Variants in PDCD2 observed in about 807,000 individuals in gnomAD.
PDCD2 encodes the protein uS5 assembly chaperone PDCD2.
In PDCD2, 38 loss-of-function variants were observed where a neutral mutation model predicts 38.1. That is an observed-to-expected ratio of 1.00 (90% CI 0.77 to 1.31). The LOEUF (loss-of-function observed/expected upper bound fraction) is 1.31. Among genes scored for constraint, PDCD2 ranks in the 50% most tolerant of loss-of-function variants. PDCD2 has a pLI of 0.00. For missense variants in PDCD2, 473 were observed against 435.7 expected (o/e 1.09, Z -0.76); for synonymous variants, 205 against 168.9 (o/e 1.21, Z -1.66).
chr6:170,584,439 G>A lies in PDCD2; in HGVS notation c.143C>T (p.Ala48Val), dbSNP rs1403087872. The change falls in exon 1 of 6, where the codon GCC (alanine) becomes GTC (valine). Residue 48 changes from alanine (A) to valine (V), a missense_variant. Ala to Val is a moderately conservative substitution (Grantham distance 64, BLOSUM62 0). Transcript: ENST00000541970. ...GCGGCCGCACAGCTCGCAGGCCAGG[G>A]CCTGGGGCCCCGGCAGCCCGGCCGC... is the stretch of plus-strand genomic sequence containing the variant. Reference protein sequence around the residue: ...LGAAGLPGPQALACELCGRPL... With the variant: ...LGAAGLPGPQVLACELCGRPL... The A allele has an allele frequency of 3.0e-6, 4 of 1,344,468 alleles. No homozygotes were observed. The highest frequency in any genetic ancestry group is 3.8e-6 in the Non-Finnish European group (4 of 1,053,364). The allele number at this position is 1,344,468 out of a possible 1,614,324, so 83.3% of individuals were successfully genotyped here. A position where few individuals can be genotyped will look rare whatever the true frequency, so the allele number is the denominator to read the frequency against.
At chr6:170,577,811 C>G in intron 5 of PDCD2, 94 bp from the exon 6 acceptor site, 1 of 1,131,398 alleles carries the variant, frequency 8.8e-7, no homozygotes, top group Non-Finnish European at 1.3e-6. Context: ...CTTGGTCTTT[C>G]AATCCTCATA....
chr6:170,578,563 G>A lies in PDCD2; in HGVS notation c.876+294C>T, dbSNP rs919439387. 1.6e-5 allele frequency: 11 copies of A among 694,408 alleles called. No individual in the cohort carries two copies. In the African/African-American group the frequency reaches 1.9e-4, roughly 12 times the overall value. The allele number at this position is 694,408 out of a possible 1,614,324, so 43.0% of individuals were successfully genotyped here. ...TTTAAAATAACAAAAGTTAACAGAG[G>A]CACTAATAATAATGACATAACCACA... On this transcript the variant is annotated intron_variant, in intron 5 of 5. Transcript: ENST00000541970.
chr6:170,583,765 G>A lies in PDCD2; in HGVS notation c.284-18C>T, dbSNP rs149549052. 2.3e-4 allele frequency: 361 copies of A among 1,577,892 alleles called. 1 individual carries two copies. In the African/African-American group the frequency reaches 4.1e-3, roughly 18 times the overall value. On this transcript the variant is annotated intron_variant, in intron 1 of 5. Coordinates refer to ENST00000541970, the MANE Select transcript of PDCD2 (RefSeq NM_002598.4). Reference sequence around the variant, plus strand: ...CCTAAAAACTAAAAAAGAATACAGAGAAAAGTTTTATCTTCAAACAAAACA... The same window carrying A: ...CCTAAAAACTAAAAAAGAATACAGAAAAAAGTTTTATCTTCAAACAAAACA...
At chr6:170,579,661 TTTTTC>T (rs1779539854) in intron 4 of PDCD2, 1 of 167,426 alleles carries the variant, frequency 6.0e-6, no homozygotes, top group African/African-American at 2.4e-5. Flanking sequence ...AAAATAACCT[TTTTTC>T]TTTCTGGCGG....
intron 3 of PDCD2, chr6:170,582,458 C>A: frequency 7.1e-7 from 1 of 1,414,764 alleles, no homozygotes; most frequent in South Asian, 1.5e-5. Flanking sequence ...GAAAGTTATA[C>A]CCAGAACCTC....
rs1259442096 is a variant in PDCD2, at chr6:170,577,010, A to C, written c.*549T>G. On this transcript the variant is annotated 3_prime_UTR_variant, in exon 6 of 6. Coordinates refer to ENST00000541970, the MANE Select transcript of PDCD2 (RefSeq NM_002598.4). ...CAAATATTCTGGGCTTCCAGTACAT[A>C]CTAGAGCCTGTGATAATCAGCTAAT... The C allele has an allele frequency of 6.6e-6, 1 of 152,612 alleles. No individual in the cohort carries two copies. Among genetic ancestry groups the C allele is most frequent in the Non-Finnish European group, 1.5e-5 (1 of 68,372 alleles). 9.5% of individuals were successfully genotyped at this position (152,612 alleles called of 1,614,324 possible).
Position 170,583,143 on chromosome 6 carries a change from T to G in PDCD2, c.572A>C (p.Glu191Ala). The G allele has an allele frequency of 6.2e-7, 1 of 1,613,020 alleles. No individual in the cohort carries two copies. The highest frequency in any genetic ancestry group is 8.5e-7 in the Non-Finnish European group (1 of 1,179,606). Reference protein sequence around the residue: ...IIPDHNFLFPEFEIVIETEDE... With the variant: ...IIPDHNFLFPAFEIVIETEDE... ...TTCTGTTTCTATTACAATTTCAAAT[T>G]CTGGAAAAAGGAAGTTGTGGTCTGG... The change falls in exon 3 of 6, where the codon GAA becomes GCA. Residue 191 changes from glutamate (E) to alanine (A), a missense_variant. By Grantham distance (107) the Glu-to-Ala change is moderately radical. Transcript: ENST00000541970.
At chr6:170,583,355 CCT>C in intron 2 of PDCD2, 148 bp downstream of exon 2, 1 of 937,590 alleles carries the variant, frequency 1.1e-6, no homozygotes, top group Non-Finnish European at 1.6e-6. Flanking sequence ...GACTTCACAG[CCT>C]TTTTTTTTTT....
intron 5 of PDCD2, among the ~76,000 whole-genome samples, chr6:170,578,306 G>A (rs575029210): frequency 6.6e-6 from 1 of 152,154 alleles, no homozygotes; most frequent in Non-Finnish European, 1.5e-5. Context: ...ACCAATATTA[G>A]CTATGACTTT....
At chr6:170,584,170 A>T (rs77764590) in intron 1 of PDCD2, 129 bp downstream of exon 1, 30,708 of 1,024,606 alleles carry the variant, frequency 0.03, 555 homozygotes, top group Non-Finnish European at 0.035. Flanking sequence ...CTCCTGGGGC[A>T]GCGCGGAGAG....
chr6:170,580,142 T>A, intron 3 of PDCD2, 37 bp from the exon 4 acceptor site: 2 of 1,249,362 alleles, frequency 1.6e-6, no homozygotes, highest in Non-Finnish European at 2.3e-6. Context: ...AAAACAGGAG[T>A]AATCCCCACA....
intron 1 of PDCD2, 69 bp downstream of exon 1, chr6:170,584,230 C>A: frequency 7.7e-7 from 1 of 1,303,046 alleles, no homozygotes. Context: ...TCCCCCTGGT[C>A]GCTCCCGGAA....
rs748435640 is a variant in PDCD2, at chr6:170,583,573, T to C, written c.458A>G (p.Tyr153Cys). Residue 153 changes from tyrosine to cysteine, a missense_variant, in exon 2 of 6, where the codon TAT (tyrosine) becomes TGT (cysteine). By Grantham distance (194) the Tyr-to-Cys change is radical. Coordinates refer to ENST00000541970, the MANE Select transcript of PDCD2 (RefSeq NM_002598.4). The part of the protein sequence containing the change: ...PKTCSRCHKA[Y>C]YCSKEHQTLD... Reference sequence around the variant, plus strand: ...GGTCTGATGCTCCTTGCTGCAGTAATATGCTTTGTGGCATCTGGAGCACGT... The same window carrying C: ...GGTCTGATGCTCCTTGCTGCAGTAACATGCTTTGTGGCATCTGGAGCACGT... The C allele has an allele frequency of 5.6e-6, 9 of 1,613,880 alleles. No homozygotes were observed. Among genetic ancestry groups the C allele is most frequent in the Non-Finnish European group, 6.8e-6 (8 of 1,179,814 alleles).
At position 170,578,953 on chromosome 6, in the gene PDCD2, T is replaced by A; in HGVS notation, c.780A>T (p.Arg260Ser). ...CAGAAATCCAGATGGGGGCAATACC[T>A]CTGCCATATCTAAGAATCTAAAATC... The part of the protein sequence containing the change: ...LEPEQILRYG[R>S]GIAPIWISGE... Residue 260 changes from arginine (R) to serine (S), a missense_variant, in exon 5 of 6, where the codon AGA becomes AGT. Transcript: ENST00000541970. 3 of 1,578,536 alleles carry A rather than the reference T, an allele frequency of 1.9e-6. No individual in the cohort carries two copies. In the South Asian group the frequency reaches 3.5e-5, roughly 18 times the overall value.
intron 3 of PDCD2, chr6:170,582,232 T>G (rs1468569444): frequency 1.9e-5 from 27 of 1,441,086 alleles, no homozygotes; most frequent in Non-Finnish European, 2.4e-5. Context: ...ACTGTGAGCA[T>G]CTGACCACTG....
chr6:170,582,102 G>A (rs1291353502), intron 3 of PDCD2: 20 of 1,529,004 alleles, frequency 1.3e-5, no homozygotes, highest in African/African-American at 1.4e-5. Context: ...GAACACACGC[G>A]CGGCCCCTTC....
chr6:170,584,277 C>T (rs1276999766), intron 1 of PDCD2, 22 bp downstream of exon 1: 1 of 1,406,080 alleles, frequency 7.1e-7, no homozygotes, highest in Non-Finnish European at 9.2e-7. Flanking sequence ...TGGCCCCGTC[C>T]CGACCCCGTT....
At position 170,584,228 on chromosome 6, in the gene PDCD2, G is replaced by A. The variant is rs536066013; in HGVS notation, c.283+71C>T. The A allele has an allele frequency of 9.3e-5, 121 of 1,300,816 alleles. 1 individual carries two copies. The African/African-American group carries it at 1.8e-3, about 19-fold the overall frequency. 80.6% of individuals were successfully genotyped at this position (1,300,816 alleles called of 1,614,324 possible). ...AGCGGTGCTTGCCGCCGTCCCCCTG[G>A]TCGCTCCCGGAATTAACGCCGCGCA... is the stretch of plus-strand genomic sequence containing the variant. On this transcript the variant is annotated intron_variant, in intron 1 of 5. Coordinates refer to ENST00000541970, the MANE Select transcript of PDCD2 (RefSeq NM_002598.4).
At chr6:170,577,740 T>C in intron 5 of PDCD2, 23 bp from the exon 6 acceptor site, 1 of 1,610,322 alleles carries the variant, frequency 6.2e-7, no homozygotes, top group Non-Finnish European at 8.5e-7. Context: ...TGACACACAG[T>C]TAGAAAGCTG....
Sources: allele counts gnomAD v4.1 joint callset (sites outside exome capture counted in the v4.1 genomes callset), GRCh38; gene constraint gnomAD v4.1.1; transcripts MANE v1.5; gene names NCBI Gene and HGNC (gene_info 2026-07-23, HGNC 2026-07-21).